The following BTG4 variants were observed in gnomAD, a reference collection of about 807,000 sequenced individuals.
BTG4 encodes protein BTG4.
A neutral mutation model predicts 19.3 loss-of-function variants in BTG4; 10 were observed. The observed-to-expected ratio is 0.52, with a 90% CI of 0.32 to 0.88. BTG4 has a LOEUF of 0.88. Among genes scored for constraint, BTG4 ranks in the 40% least tolerant of loss-of-function variants. BTG4 has a pLI of 0.04. For synonymous variants in BTG4, 91 were observed against 95.7 expected, an observed-to-expected ratio of 0.95 and a Z score of 0.29; for missense variants, 238 against 281.9, an observed-to-expected ratio of 0.84 and a Z score of 1.11.
chr11:111,437,701 A>G, the BTG4 span, among the ~76,000 whole-genome samples: 1 of 151,742 alleles, frequency 6.6e-6, no homozygotes, highest in Non-Finnish European at 1.5e-5. Context: ...CCCCACCACT[A>G]CCCAGCAGCT....
the BTG4 span, among the ~76,000 whole-genome samples, chr11:111,452,106 C>T: frequency 6.6e-6 from 1 of 152,318 alleles, no homozygotes; most frequent in Admixed American, 6.5e-5. Flanking sequence ...CCACACTGAT[C>T]CAGGTGTGCT....
At chr11:111,452,761 T>C in the BTG4 span, among the ~76,000 whole-genome samples, 4 of 152,216 alleles carry the variant, frequency 2.6e-5, no homozygotes, top group African/African-American at 9.6e-5. Context: ...ATAATGGAGC[T>C]AGCTAAAGCA....
At chr11:111,495,590 A>G (rs919730876) in intron 4 of BTG4, among the ~76,000 whole-genome samples, 1 of 152,116 alleles carries the variant, frequency 6.6e-6, no homozygotes, top group African/African-American at 2.4e-5. Context: ...TTCCATCCCT[A>G]CCTCACCACT....
the BTG4 span, chr11:111,414,468 T>A: frequency 6.6e-6 from 1 of 152,300 alleles, no homozygotes; most frequent in South Asian, 2.1e-4. Flanking sequence ...CCCTCCTCTT[T>A]CATCTTCATG....
At chr11:111,462,880 T>A (rs997379794), downstream of BTG4, 1 of 152,506 alleles carries the variant, frequency 6.6e-6, no homozygotes, top group Non-Finnish European at 1.5e-5. Flanking sequence ...CTGACAAGGG[T>A]CCCCACATGT....
chr11:111,485,722 C>T lies in BTG4; in HGVS notation c.662+9441G>A, dbSNP rs1316219903. On this transcript the variant is annotated intron_variant, in intron 5 of 5. Coordinates refer to the BTG4 transcript ENST00000356018. ...AGCAAGAGCAAACCAAACTCAAAAA[C>T]CAGTAGAAGAAGTGAAAGATCAGAG... 2.6e-5 allele frequency among the ~76,000 whole-genome samples: 4 copies of T among 151,924 alleles called. No individual in the cohort carries two copies. The East Asian group carries it at 5.8e-4, about 22-fold the overall frequency.
At chr11:111,494,316 C>G (rs1865590800), downstream of BTG4, among the ~76,000 whole-genome samples, 1 of 152,172 alleles carries the variant, frequency 6.6e-6, no homozygotes. Context: ...TGAGAACAAA[C>G]AGCATGAGTA....
chr11:111,423,938 C>T, the BTG4 span, among the ~76,000 whole-genome samples: 1 of 152,112 alleles, frequency 6.6e-6, no homozygotes, highest in African/African-American at 2.4e-5. Flanking sequence ...GAAAGCCAGA[C>T]CTCTCCCTCC....
Position 111,498,820 on chromosome 11 carries a change from A to C in BTG4, c.-26-18T>G, listed in dbSNP as rs372553775. 1 of 1,500,638 alleles carries C rather than the reference A, an allele frequency of 6.7e-7. No individual in the cohort carries two copies. The highest frequency in any genetic ancestry group is 1.4e-5 in the African/African-American group (1 of 70,844). The allele number at this position is 1,500,638 out of a possible 1,614,324, so 93.0% of individuals were successfully genotyped here. ...AAGGAGGTCTGAATCATTAAAAGGA[A>C]GCAAGAAGAAATAGAAAGAAATGGT... On this transcript the variant is annotated intron_variant, in intron 1 of 4. Transcript: ENST00000692032.
the BTG4 span, chr11:111,462,380 G>A: frequency 6.6e-6 from 1 of 152,470 alleles, no homozygotes; most frequent in Non-Finnish European, 1.5e-5. Context: ...ATGGAGAGAA[G>A]AGCCAGGGCT....
At chr11:111,412,420 C>T in the BTG4 span, among the ~76,000 whole-genome samples, 5 of 152,180 alleles carry the variant, frequency 3.3e-5, no homozygotes, top group African/African-American at 9.7e-5. Context: ...TGTCCCATAA[C>T]TTATGTATTT....
intron 5 of BTG4, among the ~76,000 whole-genome samples, chr11:111,486,920 C>T (rs1298071616): frequency 6.6e-6 from 1 of 151,986 alleles, no homozygotes; most frequent in Non-Finnish European, 1.5e-5. Flanking sequence ...CAACCCATTA[C>T]CTAGGTATTA....
intron 1 of BTG4, among the ~76,000 whole-genome samples, chr11:111,507,487 A>G: frequency 6.6e-6 from 1 of 152,140 alleles, no homozygotes; most frequent in Non-Finnish European, 1.5e-5. Context: ...CCTACAGAAG[A>G]TCATTGATCC....
intron 4 of BTG4, among the ~76,000 whole-genome samples, chr11:111,495,618 C>T (rs554300187): frequency 2.0e-4 from 31 of 152,282 alleles, no homozygotes; most frequent in Admixed American, 5.9e-4. Context: ...CAATCCAAAA[C>T]TGCATGTTCA....
chr11:111,401,431 G>A, the BTG4 span, among the ~76,000 whole-genome samples: 2 of 151,534 alleles, frequency 1.3e-5, no homozygotes, highest in African/African-American at 2.4e-5. Flanking sequence ...GCAGTGAGCC[G>A]AGATTGAGAC....
chr11:111,499,343 G>A (rs1000340503), intron 1 of BTG4, among the ~76,000 whole-genome samples: 6 of 152,280 alleles, frequency 3.9e-5, no homozygotes, highest in Admixed American at 2.6e-4. Context: ...TCGTGAGTTC[G>A]AGGCTGAAGT....
the BTG4 span, among the ~76,000 whole-genome samples, chr11:111,439,680 T>C: frequency 6.6e-6 from 1 of 152,056 alleles, no homozygotes. Context: ...CTTTGCCTCA[T>C]CATCTGGAGG....
chr11:111,392,410 C>T, the BTG4 span, among the ~76,000 whole-genome samples: 1 of 151,994 alleles, frequency 6.6e-6, no homozygotes, highest in East Asian at 1.9e-4. Flanking sequence ...ATCTCCTGAC[C>T]TTGTGATCAG....
chr11:111,395,811 C>T, the BTG4 span, among the ~76,000 whole-genome samples: 4,961 of 152,326 alleles, frequency 0.033, 115 homozygotes, highest in Middle Eastern at 0.14. Flanking sequence ...GTTGGAGATG[C>T]GCTGCCCTAG....
Sources: allele counts gnomAD v4.1 joint callset (sites outside exome capture counted in the v4.1 genomes callset), GRCh38; gene constraint gnomAD v4.1.1; transcripts MANE v1.5; gene names NCBI Gene and HGNC (gene_info 2026-07-23, HGNC 2026-07-21).